The following CNBD1 variants were observed in gnomAD, a reference collection of about 807,000 sequenced individuals.
CNBD1 encodes cyclic nucleotide binding domain containing 1.
In CNBD1, 71 loss-of-function variants were observed where a neutral mutation model predicts 54.4. That is an observed-to-expected ratio of 1.30 (90% CI 1.08 to 1.59). The LOEUF (loss-of-function observed/expected upper bound fraction) is 1.59, where lower values mean the gene tolerates loss of function less well. CNBD1 is among the 40% of genes most tolerant of loss of function. CNBD1 has a pLI of 0.00. For synonymous variants in CNBD1, 182 were observed against 170.7 expected (o/e 1.07, Z -0.51); for missense variants, 659 against 518.0 (o/e 1.27, Z -2.64).
rs375041898 is a variant in CNBD1, at chr8:87,414,360, C to T, written c.214-14186C>T. ...ACACAGGAAGGGGAACATCACACTC[C>T]AGGGACTGTTGTGGGGTGGGGAGAG... On this transcript the variant is annotated intron_variant, in intron 2 of 7. Transcript: ENST00000521593. Among the ~76,000 whole-genome samples, 13 of 151,980 alleles carry T rather than the reference C, an allele frequency of 8.6e-5. No homozygotes were observed. In the South Asian group the frequency reaches 1.9e-3, roughly 22 times the overall value.
intron 4 of CNBD1, among the ~76,000 whole-genome samples, chr8:86,941,560 C>A (rs895127211): frequency 3.9e-5 from 6 of 152,074 alleles, no homozygotes; most frequent in Admixed American, 2.0e-4. Context: ...TTCCAGATAA[C>A]AAAGTTTCTG....
chr8:87,081,423 A>G (rs1195990385), intron 4 of CNBD1, among the ~76,000 whole-genome samples: 5 of 151,772 alleles, frequency 3.3e-5, no homozygotes, highest in African/African-American at 7.3e-5. Flanking sequence ...TACAATATCA[A>G]TTATCTTAGT....
chr8:87,414,449 C>G lies in CNBD1; in HGVS notation c.214-14097C>G, dbSNP rs528468751. ...ATGACAAGTTAATGGGTGCAGCACA[C>G]CAACATGGCACATGTATACATATGT... On this transcript the variant is annotated intron_variant, in intron 2 of 7. Transcript: ENST00000521593. Among the ~76,000 whole-genome samples the G allele has an allele frequency of 7.0e-4, 106 of 152,018 alleles. 1 individual carries two copies. Among genetic ancestry groups the G allele is most frequent in the African/African-American group, 2.5e-3 (104 of 41,470 alleles).
intron 4 of CNBD1, among the ~76,000 whole-genome samples, chr8:87,102,860 C>T (rs779213597): frequency 2.0e-5 from 3 of 151,994 alleles, no homozygotes; most frequent in Non-Finnish European, 4.4e-5. Context: ...GTGATCCGCC[C>T]GCCTCAGCTT....
intron 4 of CNBD1, among the ~76,000 whole-genome samples, chr8:87,138,040 A>T (rs1421543897): frequency 6.6e-6 from 1 of 152,094 alleles, no homozygotes; most frequent in Non-Finnish European, 1.5e-5. Flanking sequence ...TCTAATTCGG[A>T]TTATTTCTTA....
chr8:87,155,523 G>A (rs1043208487), intron 4 of CNBD1, among the ~76,000 whole-genome samples: 41 of 152,192 alleles, frequency 2.7e-4, no homozygotes, highest in African/African-American at 9.9e-4. Context: ...ACACATAGGA[G>A]GTTGAATGAA....
At chr8:87,148,006 T>C (rs1812525586) in intron 4 of CNBD1, among the ~76,000 whole-genome samples, 1 of 152,192 alleles carries the variant, frequency 6.6e-6, no homozygotes, top group Admixed American at 6.5e-5. Context: ...GTATTTTTCT[T>C]TTAGCATGTT....
At chr8:87,062,425 A>G (rs1414243884) in intron 4 of CNBD1, among the ~76,000 whole-genome samples, 1 of 152,142 alleles carries the variant, frequency 6.6e-6, no homozygotes, top group Non-Finnish European at 1.5e-5. Flanking sequence ...TGCTTACTAT[A>G]AACCATGTAC....
intron 4 of CNBD1, among the ~76,000 whole-genome samples, chr8:87,092,701 T>A (rs1010583545): frequency 1.3e-5 from 2 of 151,838 alleles, no homozygotes; most frequent in South Asian, 2.1e-4. Context: ...TTTTACTTTT[T>A]AAAAAAAATT....
chr8:87,355,578 C>T (rs1810404189), intron 10 of CNBD1, among the ~76,000 whole-genome samples: 2 of 151,842 alleles, frequency 1.3e-5, no homozygotes, highest in East Asian at 1.9e-4. Flanking sequence ...TGAATAGAAG[C>T]TAATAAGTTG....
At chr8:87,275,589 A>G (rs906759527) in intron 6 of CNBD1, among the ~76,000 whole-genome samples, 1 of 151,784 alleles carries the variant, frequency 6.6e-6, no homozygotes, top group African/African-American at 2.4e-5. Flanking sequence ...AATAAGAGCT[A>G]TCTGTGACAA....
At chr8:86,932,916 C>G (rs973765810) in intron 3 of CNBD1, among the ~76,000 whole-genome samples, 1 of 151,914 alleles carries the variant, frequency 6.6e-6, no homozygotes, top group Non-Finnish European at 1.5e-5. Flanking sequence ...GAAGCAGCAG[C>G]GGAAACACTT....
chr8:86,983,830 T>G (rs1472816570), intron 4 of CNBD1, among the ~76,000 whole-genome samples: 2 of 151,962 alleles, frequency 1.3e-5, no homozygotes, highest in African/African-American at 4.8e-5. Flanking sequence ...GGAAGAAGAG[T>G]ATAAAAGTTT....
chr8:87,279,970 G>T (rs1012869097), intron 6 of CNBD1, among the ~76,000 whole-genome samples: 1 of 151,368 alleles, frequency 6.6e-6, no homozygotes, highest in Admixed American at 6.6e-5. Flanking sequence ...TATCCTGAAA[G>T]ATATTTTTTT....
chr8:87,406,473 CACACACTT>C (rs1261769449), intron 2 of CNBD1, among the ~76,000 whole-genome samples: 10 of 131,740 alleles, frequency 7.6e-5, no homozygotes, highest in Admixed American at 2.9e-4. Flanking sequence ...CACACACACA[CACACACTT>C]TTTTTTTTTT....
intron 5 of CNBD1, among the ~76,000 whole-genome samples, chr8:87,209,864 T>C (rs1814055293): frequency 6.6e-6 from 1 of 152,134 alleles, no homozygotes; most frequent in South Asian, 2.1e-4. Context: ...ACCCAAATCT[T>C]ATCTTGAATT....
intron 8 of CNBD1, among the ~76,000 whole-genome samples, chr8:87,351,391 G>T (rs900138370): frequency 6.6e-6 from 1 of 152,088 alleles, no homozygotes; most frequent in Admixed American, 6.6e-5. Context: ...ACAGATCAAG[G>T]TTTCTTCTAT....
rs140507672 is a variant in CNBD1 at position 87,349,319 on chromosome 8, T to C, written c.1043-2366T>C. On this transcript the variant is annotated intron_variant, in intron 8 of 10. Transcript: ENST00000518476. ...ATCAGGGTAGGGAGTAATTGCATGA[T>C]TCTGTTTCTAGTCCAAAATAGTAAT... Among the ~76,000 whole-genome samples, 162 of 152,270 alleles carry C rather than the reference T, an allele frequency of 1.1e-3. 1 individual carries two copies. Among genetic ancestry groups the C allele is most frequent in the African/African-American group, 3.3e-3 (137 of 41,552 alleles).
intron 4 of CNBD1, among the ~76,000 whole-genome samples, chr8:86,965,777 A>G (rs996923042): frequency 2.0e-5 from 3 of 152,138 alleles, no homozygotes; most frequent in African/African-American, 7.2e-5. Flanking sequence ...CAAGATGAAG[A>G]TGAGCTTTAT....
Sources: gnomAD v4.1 joint callset for allele counts (sites outside exome capture counted in the v4.1 genomes callset) on GRCh38, gnomAD v4.1.1 for gene constraint, MANE v1.5 for transcripts, NCBI Gene and HGNC (gene_info 2026-07-23, HGNC 2026-07-21) for gene names.